The following FSIP1 variants were observed in gnomAD, a reference collection of about 807,000 sequenced individuals.
FSIP1 encodes fibrous sheath interacting protein 1.
A neutral mutation model predicts 60.9 loss-of-function variants in FSIP1; 65 were observed. That is an observed-to-expected ratio of 1.07 (90% confidence interval 0.87 to 1.31). The LOEUF (loss-of-function observed/expected upper bound fraction) is 1.31, where lower values mean the gene tolerates loss of function less well. Among genes scored for constraint, FSIP1 ranks in the 40% most tolerant of loss-of-function variants. The pLI is 0.00. For missense variants in FSIP1, 675 were observed against 665.5 expected (o/e 1.01, Z -0.16); for synonymous variants, 209 against 221.2 (o/e 0.94, Z 0.49).
chr15:39,607,583 G>A (rs1890873884), intron 11 of FSIP1, among the ~76,000 whole-genome samples: 1 of 152,200 alleles, frequency 6.6e-6, no homozygotes, highest in Non-Finnish European at 1.5e-5. Flanking sequence ...CATTGATAAT[G>A]TGTTTCACAT....
At chr15:39,679,272 T>C (rs12899512) in intron 10 of FSIP1, among the ~76,000 whole-genome samples, 2 of 152,190 alleles carry the variant, frequency 1.3e-5, no homozygotes, top group African/African-American at 4.8e-5. Context: ...GAACCCTGAA[T>C]ATCTTAAAAT....
intron 5 of FSIP1, among the ~76,000 whole-genome samples, chr15:39,745,654 T>C (rs1896967913): frequency 6.6e-6 from 1 of 152,180 alleles, no homozygotes; most frequent in Non-Finnish European, 1.5e-5. Flanking sequence ...TGGAACCACG[T>C]AGATAACCTA....
At chr15:39,671,859 A>G (rs1231363115) in intron 10 of FSIP1, among the ~76,000 whole-genome samples, 1 of 152,184 alleles carries the variant, frequency 6.6e-6, no homozygotes, top group Non-Finnish European at 1.5e-5. Flanking sequence ...ATCATTTTAG[A>G]TTTAATTTTC....
At chr15:39,669,839 G>T (rs1893645485) in intron 10 of FSIP1, among the ~76,000 whole-genome samples, 1 of 152,092 alleles carries the variant, frequency 6.6e-6, no homozygotes, top group Non-Finnish European at 1.5e-5. Flanking sequence ...CAGCATTTTT[G>T]CCAGCAAAGC....
At chr15:39,678,264 A>C (rs771405396) in intron 10 of FSIP1, among the ~76,000 whole-genome samples, 5 of 152,036 alleles carry the variant, frequency 3.3e-5, no homozygotes, top group Non-Finnish European at 2.9e-5. Context: ...AAATATAAAT[A>C]ATTTTAATTA....
chr15:39,613,152 C>T (rs1396458411), intron 11 of FSIP1, among the ~76,000 whole-genome samples: 1 of 152,038 alleles, frequency 6.6e-6, no homozygotes, highest in Non-Finnish European at 1.5e-5. Flanking sequence ...AAATAGCCTT[C>T]AACAAATTTA....
intron 10 of FSIP1, among the ~76,000 whole-genome samples, chr15:39,630,709 A>C (rs1327367918): frequency 6.6e-6 from 1 of 152,224 alleles, no homozygotes; most frequent in African/African-American, 2.4e-5. Context: ...AGAACTAATA[A>C]AAAAAATGAA....
chr15:39,714,760 G>A (rs1895668569), intron 9 of FSIP1, among the ~76,000 whole-genome samples: 1 of 151,316 alleles, frequency 6.6e-6, no homozygotes, highest in South Asian at 2.1e-4. Context: ...CTTGAGCCCA[G>A]AAGTTAGAGA....
intron 10 of FSIP1, among the ~76,000 whole-genome samples, chr15:39,640,943 T>C (rs1378872773): frequency 6.6e-6 from 1 of 152,244 alleles, no homozygotes; most frequent in Non-Finnish European, 1.5e-5. Context: ...CAATCTCATC[T>C]GCCTTTAAGC....
At chr15:39,643,715 A>G (rs1735456789) in intron 10 of FSIP1, among the ~76,000 whole-genome samples, 1 of 152,236 alleles carries the variant, frequency 6.6e-6, no homozygotes, top group African/African-American at 2.4e-5. Context: ...GTGTTACCCA[A>G]ATAAGTGGGA....
At chr15:39,638,279 T>G (rs1450443134) in intron 10 of FSIP1, among the ~76,000 whole-genome samples, 1 of 152,182 alleles carries the variant, frequency 6.6e-6, no homozygotes, top group East Asian at 1.9e-4. Context: ...ATGTTTAGAG[T>G]ACATTATAGC....
At chr15:39,759,162 GACTA>G in intron 5 of FSIP1, among the ~76,000 whole-genome samples, 1 of 151,538 alleles carries the variant, frequency 6.6e-6, no homozygotes, top group Non-Finnish European at 1.5e-5. Flanking sequence ...TAAAAGAAAT[GACTA>G]ACTAGAGCAA....
At chr15:39,715,227 C>T (rs561383060) in intron 9 of FSIP1, among the ~76,000 whole-genome samples, 2 of 152,240 alleles carry the variant, frequency 1.3e-5, no homozygotes, top group East Asian at 3.9e-4. Flanking sequence ...GCAATATTCA[C>T]TACTACCAGT....
intron 5 of FSIP1, among the ~76,000 whole-genome samples, chr15:39,751,457 G>A (rs1187170070): frequency 7.9e-6 from 1 of 126,116 alleles, no homozygotes; most frequent in Non-Finnish European, 1.7e-5. Flanking sequence ...ACACACACAG[G>A]AATATTACTC....
At chr15:39,749,554 T>C (rs566420641) in intron 5 of FSIP1, among the ~76,000 whole-genome samples, 8 of 151,912 alleles carry the variant, frequency 5.3e-5, no homozygotes, top group East Asian at 1.9e-4. Flanking sequence ...CATTAACAGA[T>C]TGAAAGACAA....
intron 10 of FSIP1, among the ~76,000 whole-genome samples, chr15:39,676,302 C>T (rs1335681281): frequency 2.6e-5 from 4 of 152,094 alleles, no homozygotes; most frequent in Non-Finnish European, 1.5e-5. Flanking sequence ...AGCTCAGTCA[C>T]ATCATTCATC....
In FSIP1 at chr15:39,617,896, A is replaced by T. The variant is rs765683503; in HGVS notation, c.1538T>A (p.Val513Asp). The change falls in exon 11 of 12, where the codon GTT becomes GAT. Residue 513 changes from valine (V) to aspartate (D), a missense_variant. Coordinates refer to ENST00000350221, the MANE Select transcript of FSIP1 (RefSeq NM_152597.5). The part of the protein sequence containing the change: ...NMKCLQFSKD[V>D]IISDTKDYFM... ...ATAGTCTTTTGTGTCACTAATAATA[A>T]CGTCCTTGGAAAATTGAAGGCATTT... The T allele has an allele frequency of 6.2e-7, 1 of 1,614,174 alleles. No individual in the cohort carries two copies. Among genetic ancestry groups the T allele is most frequent in the South Asian group, 1.1e-5 (1 of 91,080 alleles).
intron 6 of FSIP1, among the ~76,000 whole-genome samples, chr15:39,741,371 G>A (rs2140642891): frequency 6.6e-6 from 1 of 152,270 alleles, no homozygotes; most frequent in East Asian, 1.9e-4. Context: ...TGCTGGGTTG[G>A]ACAAGTTGGT....
chr15:39,732,146 G>A (rs1159557382), intron 8 of FSIP1, among the ~76,000 whole-genome samples: 4 of 152,102 alleles, frequency 2.6e-5, no homozygotes, highest in African/African-American at 4.8e-5. Context: ...AACAGGGTTC[G>A]TGCTTCTGTG....
Sources: allele counts gnomAD v4.1 joint callset (sites outside exome capture counted in the v4.1 genomes callset), GRCh38; gene constraint gnomAD v4.1.1; transcripts MANE v1.5; gene names NCBI Gene and HGNC (gene_info 2026-07-23, HGNC 2026-07-21).